TVP23C: variants seen among roughly 807,000 people sequenced by gnomAD.
The protein encoded by TVP23C is trans-golgi network vesicle protein 23 homolog C.
Under a neutral mutation model 28.7 loss-of-function variants are expected in TVP23C, and 19 were observed. The ratio of observed to expected loss-of-function variants is 0.66; its 90% confidence interval spans 0.46 to 0.97. The LOEUF (loss-of-function observed/expected upper bound fraction) is 0.97, where lower values mean the gene tolerates loss of function less well. Among genes scored for constraint, TVP23C ranks in the 50% least tolerant of loss-of-function variants. The pLI, the probability that TVP23C is intolerant of heterozygous loss-of-function variation, is 0.00. For missense variants in TVP23C, 186 were observed against 241.3 expected (o/e 0.77, Z 1.52); for synonymous variants, 68 against 81.7 (o/e 0.83, Z 0.90).
intron 5 of TVP23C, among the ~76,000 whole-genome samples, chr17:15,530,601 T>A (rs1353848830): frequency 6.6e-6 from 1 of 152,266 alleles, no homozygotes; most frequent in Non-Finnish European, 1.5e-5. Flanking sequence ...CCTATGTAGT[T>A]ACCTTTAATG....
intron 5 of TVP23C, among the ~76,000 whole-genome samples, chr17:15,508,910 A>G (rs1036025188): frequency 6.6e-6 from 1 of 152,212 alleles, no homozygotes; most frequent in African/African-American, 2.4e-5. Flanking sequence ...GCCAGGGGGA[A>G]AGACCCCGAT....
chr17:15,518,167 CAAAA>C (rs895582466), intron 5 of TVP23C, among the ~76,000 whole-genome samples: 2 of 54,300 alleles, frequency 3.7e-5, no homozygotes, highest in Non-Finnish European at 7.8e-5. Context: ...GACTCCATCT[CAAAA>C]AAAAAAAAAA....
At chr17:15,521,523 T>A (rs981824389) in intron 5 of TVP23C, among the ~76,000 whole-genome samples, 1 of 152,092 alleles carries the variant, frequency 6.6e-6, no homozygotes, top group African/African-American at 2.4e-5. Context: ...ACAAAATTAT[T>A]ATAATCTCTA....
At chr17:15,522,986 T>C (rs1212526693) in intron 5 of TVP23C, among the ~76,000 whole-genome samples, 2 of 151,744 alleles carry the variant, frequency 1.3e-5, no homozygotes, top group African/African-American at 4.8e-5. Flanking sequence ...CCCTAAACAA[T>C]GTTAAAAGTG....
At chr17:15,545,329 T>G (rs1321799412) in intron 5 of TVP23C, among the ~76,000 whole-genome samples, 2 of 152,200 alleles carry the variant, frequency 1.3e-5, no homozygotes, top group Non-Finnish European at 2.9e-5. Flanking sequence ...GGAGAGGCCA[T>G]GGGACCTCAT....
At chr17:15,525,711 C>T (rs1177283714) in intron 5 of TVP23C, among the ~76,000 whole-genome samples, 4 of 152,156 alleles carry the variant, frequency 2.6e-5, no homozygotes, top group South Asian at 2.1e-4. Flanking sequence ...CGTGTGCATG[C>T]GCCCACGTTC....
chr17:15,518,903 C>T (rs955133465), intron 5 of TVP23C, among the ~76,000 whole-genome samples: 5 of 152,124 alleles, frequency 3.3e-5, no homozygotes, highest in Non-Finnish European at 7.4e-5. Context: ...GGACCTGGTG[C>T]GGGTGACTGC....
chr17:15,504,569 A>T (rs1358771462), intron 5 of TVP23C, among the ~76,000 whole-genome samples: 2 of 151,430 alleles, frequency 1.3e-5, no homozygotes, highest in African/African-American at 4.9e-5. Context: ...AATAAAGACA[A>T]TTTTTTTTTA....
At chr17:15,541,263 T>G (rs1276520281) in intron 5 of TVP23C, among the ~76,000 whole-genome samples, 3 of 152,160 alleles carry the variant, frequency 2.0e-5, no homozygotes, top group Non-Finnish European at 4.4e-5. Flanking sequence ...TGAGACAATG[T>G]GAGGGATTCC....
chr17:15,548,248 C>T (rs185830678), intron 3 of TVP23C, among the ~76,000 whole-genome samples: 1 of 152,194 alleles, frequency 6.6e-6, no homozygotes, highest in Non-Finnish European at 1.5e-5. Context: ...CTCACCACAA[C>T]CTCTGCCTCC....
intron 5 of TVP23C, chr17:15,516,340 T>C (rs140114410): frequency 2.6e-5 from 4 of 152,346 alleles, no homozygotes; most frequent in African/African-American, 4.8e-5. Flanking sequence ...AAGAGATGGT[T>C]AGTACATTAG....
chr17:15,533,626 G>C (rs565162258), downstream of TVP23C, among the ~76,000 whole-genome samples: 2 of 152,244 alleles, frequency 1.3e-5, no homozygotes, highest in South Asian at 4.1e-4. Flanking sequence ...CGGTTGAATC[G>C]AGTTGGGTTT....
downstream of TVP23C, among the ~76,000 whole-genome samples, chr17:15,535,589 AC>A (rs1983120912): frequency 6.6e-6 from 1 of 152,176 alleles, no homozygotes; most frequent in South Asian, 2.1e-4. Flanking sequence ...ATGACTTTTC[AC>A]CAGTAATTCT....
intron 1 of TVP23C, among the ~76,000 whole-genome samples, chr17:15,561,626 GAATGAATAAATAAATAAATA>G (rs1371517395): frequency 1.6e-5 from 2 of 127,152 alleles, no homozygotes; most frequent in Non-Finnish European, 3.5e-5. Flanking sequence ...ATGAATGAAT[GAATGAATAAATAAATAAATA>G]AATAAATAAA....
At position 15,538,804 on chromosome 17, in the gene TVP23C, A is replaced by G; in HGVS notation, c.*1608T>C. On this transcript the variant is annotated 3_prime_UTR_variant, in exon 6 of 6. Coordinates refer to ENST00000518321, the MANE Select transcript of TVP23C (RefSeq NM_001135036.2). ...TCAGAAACACTGAAAATTCTAACGA[A>G]AAAAACCTAATAAGCACATACATGA... 2.0e-6 allele frequency: 2 copies of G among 984,670 alleles called. No homozygotes were observed. Among genetic ancestry groups the G allele is most frequent in the Non-Finnish European group, 1.2e-6 (1 of 829,914 alleles). The allele number at this position is 984,670 out of a possible 1,614,324, so 61.0% of individuals were successfully genotyped here. A position where few individuals can be genotyped will look rare whatever the true frequency, so the allele number is the denominator to read the frequency against.
At chr17:15,524,442 G>A (rs1487348396) in intron 5 of TVP23C, among the ~76,000 whole-genome samples, 1 of 152,068 alleles carries the variant, frequency 6.6e-6, no homozygotes. Flanking sequence ...CTAAGGAAGG[G>A]GGTTAAGGAC....
At chr17:15,511,499 A>T (rs1180632942) in intron 5 of TVP23C, among the ~76,000 whole-genome samples, 1 of 151,670 alleles carries the variant, frequency 6.6e-6, no homozygotes, top group Non-Finnish European at 1.5e-5. Context: ...GGTCCTAAAG[A>T]ATTTGAATCA....
chr17:15,524,469 G>A (rs1283236244), intron 5 of TVP23C, among the ~76,000 whole-genome samples: 2 of 152,158 alleles, frequency 1.3e-5, no homozygotes, highest in African/African-American at 4.8e-5. Context: ...CTTGGAGGCA[G>A]TATGATGTGA....
intron 5 of TVP23C, among the ~76,000 whole-genome samples, chr17:15,517,060 T>G (rs1337168006): frequency 6.6e-6 from 1 of 152,226 alleles, no homozygotes; most frequent in Non-Finnish European, 1.5e-5. Context: ...GAGGCTGCTT[T>G]ATAAAAGAGA....
Sources: allele counts gnomAD v4.1 joint callset (sites outside exome capture counted in the v4.1 genomes callset), GRCh38; gene constraint gnomAD v4.1.1; transcripts MANE v1.5; gene names NCBI Gene and HGNC (gene_info 2026-07-23, HGNC 2026-07-21).